The following RSF1 variants were observed in gnomAD, a reference collection of about 807,000 sequenced individuals.
The protein encoded by RSF1 is remodeling and spacing factor 1, also known as HBV pX-associated protein 8.
RSF1 carries 13 observed loss-of-function variants against 145.2 expected under a neutral mutation model. The ratio of observed to expected loss-of-function variants is 0.09; its 90% CI spans 0.06 to 0.14. The LOEUF is 0.14. Ranked by LOEUF, RSF1 falls within the 10% of genes least tolerant of loss-of-function variation. The probability of loss-of-function intolerance (pLI) is 1.00; values close to 1 mark genes in which losing one functional copy is unlikely to be tolerated. For synonymous variants in RSF1, 577 were observed against 592.6 expected (o/e 0.97, Z 0.38); for missense variants, 1,517 against 1,718.2 (o/e 0.88, Z 2.07).
chr11:77,867,926 G>A, the RSF1 span, among the ~76,000 whole-genome samples: 1 of 152,204 alleles, frequency 6.6e-6, no homozygotes, highest in Admixed American at 6.5e-5. Flanking sequence ...TATAGAGATT[G>A]TTATGAAATT....
intron 2 of RSF1, among the ~76,000 whole-genome samples, chr11:77,761,141 A>G (rs1027002231): frequency 7.9e-5 from 12 of 151,868 alleles, no homozygotes; most frequent in African/African-American, 2.9e-4. Context: ...GGGTTTCACC[A>G]TGTTGGTCAG....
chr11:77,775,227 G>A (rs551741990), intron 1 of RSF1, among the ~76,000 whole-genome samples: 1 of 148,436 alleles, frequency 6.7e-6, no homozygotes, highest in Non-Finnish European at 1.5e-5. Flanking sequence ...CAGCCTGGGG[G>A]ACAACAGCGA....
At chr11:77,710,000 T>C (rs1406678352) in intron 5 of RSF1, among the ~76,000 whole-genome samples, 4 of 152,198 alleles carry the variant, frequency 2.6e-5, no homozygotes, top group East Asian at 1.9e-4. Flanking sequence ...TGATTAAGTA[T>C]AGCAAAGAAA....
At chr11:77,707,702 C>G (rs889872986) in intron 5 of RSF1, among the ~76,000 whole-genome samples, 2 of 152,210 alleles carry the variant, frequency 1.3e-5, no homozygotes, top group African/African-American at 4.8e-5. Context: ...TATGCTCATA[C>G]ACTGGTAGTA....
rs1959337435 is a variant in RSF1 at position 77,665,442 on chromosome 11, T to C, written c.*1475A>G. 4 of 152,250 alleles carry C rather than the reference T, an allele frequency of 2.6e-5. No homozygotes were observed. The South Asian group carries it at 8.3e-4, about 32-fold the overall frequency. 9.4% of individuals were successfully genotyped at this position (152,250 alleles called of 1,614,324 possible). A position where few individuals can be genotyped will look rare whatever the true frequency, so the allele number is the denominator to read the frequency against. ...AGGTTTAATCACAAGTGCTACACTC[T>C]GTACAATGTTATGGCTCTGCCTGAA... is the stretch of plus-strand genomic sequence containing the variant. On this transcript the variant is annotated 3_prime_UTR_variant, in exon 16 of 16. Transcript: ENST00000308488.
intron 7 of RSF1, among the ~76,000 whole-genome samples, chr11:77,697,540 A>C (rs1960311754): frequency 7.2e-6 from 1 of 139,444 alleles, no homozygotes; most frequent in Non-Finnish European, 1.5e-5. Flanking sequence ...TATAATATAT[A>C]TATTATATAT....
At chr11:77,830,621 T>G in the RSF1 span, among the ~76,000 whole-genome samples, 1 of 151,888 alleles carries the variant, frequency 6.6e-6, no homozygotes, top group Non-Finnish European at 1.5e-5. Flanking sequence ...TTGTCTTTTA[T>G]TCCCGCGTTT....
At chr11:77,746,239 T>C (rs529619440) in intron 3 of RSF1, among the ~76,000 whole-genome samples, 1 of 152,218 alleles carries the variant, frequency 6.6e-6, no homozygotes, top group Admixed American at 6.5e-5. Flanking sequence ...CACCCTGAAA[T>C]CTGAGCTTAC....
rs112834335 is a variant in RSF1 at position 77,751,507 on chromosome 11, T to C, written c.280-4379A>G. The stretch of plus-strand genomic sequence containing the variant: ...TCTGTCCCCTTGAGATGCATATGTA[T>C]TTCCTAAGACCCAGAATATCTTTCT... On this transcript the variant is annotated intron_variant, in intron 2 of 15. Transcript: ENST00000308488. Among the ~76,000 whole-genome samples, 514 of 152,336 alleles carry C rather than the reference T, an allele frequency of 3.4e-3. 2 individuals carry two copies. Among genetic ancestry groups the C allele is most frequent in the Non-Finnish European group, 6.0e-3 (408 of 68,034 alleles).
chr11:77,684,363 A>G (rs1419306621), intron 10 of RSF1, among the ~76,000 whole-genome samples: 1 of 152,254 alleles, frequency 6.6e-6, no homozygotes, highest in Admixed American at 6.5e-5. Context: ...AATAAATGCA[A>G]AACAAAGGTA....
intron 2 of RSF1, among the ~76,000 whole-genome samples, chr11:77,748,042 A>AG (rs1948020444): frequency 6.6e-6 from 1 of 152,098 alleles, no homozygotes; most frequent in African/African-American, 2.4e-5. Flanking sequence ...GGAATGGGGT[A>AG]GACAGGAGAA....
At chr11:77,820,957 C>T (rs761689080), upstream of RSF1, 112 of 550,700 alleles carry the variant, frequency 2.0e-4, no homozygotes, top group Non-Finnish European at 3.2e-4. Flanking sequence ...CTCTTTCCGC[C>T]CCCTTCTCTC....
chr11:77,782,798 AAC>A (rs1948417505), intron 1 of RSF1, among the ~76,000 whole-genome samples: 1 of 152,246 alleles, frequency 6.6e-6, no homozygotes. Flanking sequence ...AGCAGAATTA[AAC>A]ACTTTTAACA....
At chr11:77,827,835 T>G in the RSF1 span, among the ~76,000 whole-genome samples, 1 of 152,170 alleles carries the variant, frequency 6.6e-6, no homozygotes, top group Non-Finnish European at 1.5e-5. Flanking sequence ...ACAAGCTCTA[T>G]CTTAAATTAC....
the RSF1 span, among the ~76,000 whole-genome samples, chr11:77,851,708 T>C: frequency 1.8e-4 from 28 of 152,116 alleles, no homozygotes; most frequent in African/African-American, 6.5e-4. Flanking sequence ...TTTCATCATA[T>C]GACATGCCTA....
intron 13 of RSF1, among the ~76,000 whole-genome samples, chr11:77,675,577 G>GT (rs1792521833): frequency 2.0e-5 from 3 of 152,212 alleles, no homozygotes; most frequent in Admixed American, 2.0e-4. Flanking sequence ...CCCTGGCCTG[G>GT]TATTTGGCAC....
chr11:77,746,498 C>T (rs1429404143), intron 3 of RSF1, among the ~76,000 whole-genome samples: 1 of 152,134 alleles, frequency 6.6e-6, no homozygotes, highest in African/African-American at 2.4e-5. Flanking sequence ...TTAATGTTTT[C>T]ACAAAGAATA....
At chr11:77,735,035 CTAAGGAGAGGTGGCGGCGGT>C in intron 4 of RSF1, 2 of 1,484,944 alleles carry the variant, frequency 1.3e-6, no homozygotes, top group Non-Finnish European at 1.9e-6. Context: ...ATGGCGGCGA[CTAAGGAGAGGTGGCGGCGGT>C]GGCAGTGGCT....
At chr11:77,832,991 G>GTA in the RSF1 span, among the ~76,000 whole-genome samples, 1 of 32,866 alleles carries the variant, frequency 3.0e-5, no homozygotes, top group Non-Finnish European at 5.4e-5. Context: ...GTGTGTGTGT[G>GTA]TGTGTGTATA....
Sources: gnomAD v4.1 joint callset for allele counts (sites outside exome capture counted in the v4.1 genomes callset) on GRCh38, gnomAD v4.1.1 for gene constraint, MANE v1.5 for transcripts, NCBI Gene and HGNC (gene_info 2026-07-23, HGNC 2026-07-21) for gene names.